PLEKHA5: variants seen among roughly 807,000 people sequenced by gnomAD.
The protein encoded by PLEKHA5 is pleckstrin homology domain-containing family A member 5.
Under a neutral mutation model 181.9 loss-of-function variants are expected in PLEKHA5, and 55 were observed. That is an observed-to-expected ratio of 0.30 (90% CI 0.24 to 0.38). PLEKHA5 has a LOEUF of 0.38. PLEKHA5 is among the 10% of genes least tolerant of loss of function. The pLI is 1.00. For missense variants in PLEKHA5, 1,432 were observed against 1,549.5 expected, an observed-to-expected ratio of 0.92 and a Z score of 1.27; for synonymous variants, 535 against 529.4, an observed-to-expected ratio of 1.01 and a Z score of -0.15.
At chr12:19,313,459 C>T (rs1022520562) in intron 15 of PLEKHA5, among the ~76,000 whole-genome samples, 3 of 152,020 alleles carry the variant, frequency 2.0e-5, no homozygotes, top group Admixed American at 2.0e-4. Flanking sequence ...ATTAATTAAT[C>T]AGGTTGGTGG....
At chr12:19,325,782 G>T (rs918220150) in intron 20 of PLEKHA5, among the ~76,000 whole-genome samples, 2 of 151,904 alleles carry the variant, frequency 1.3e-5, no homozygotes, top group African/African-American at 4.8e-5. Flanking sequence ...GCCAAGGCAG[G>T]CAGATCACCT....
At chr12:19,283,198 G>A (rs2152801598) in intron 11 of PLEKHA5, 82 bp from the exon 12 acceptor site, 2 of 726,182 alleles carry the variant, frequency 2.8e-6, no homozygotes, top group South Asian at 2.2e-5. Flanking sequence ...TTACTTACTG[G>A]AACAAAAGAA....
intron 3 of PLEKHA5, among the ~76,000 whole-genome samples, chr12:19,213,305 G>GA (rs11314206): frequency 3.0e-4 from 45 of 150,906 alleles, no homozygotes; most frequent in South Asian, 1.3e-3. Flanking sequence ...TGGTTTCTTT[G>GA]AAAAAAAAAA....
At chr12:19,164,524 T>A (rs974889161) in intron 3 of PLEKHA5, among the ~76,000 whole-genome samples, 2 of 152,152 alleles carry the variant, frequency 1.3e-5, no homozygotes, top group Admixed American at 6.5e-5. Flanking sequence ...ATAGCCAGAT[T>A]CATTGACACC....
At chr12:19,266,813 G>C (rs1317377261) in intron 8 of PLEKHA5, among the ~76,000 whole-genome samples, 2 of 151,928 alleles carry the variant, frequency 1.3e-5, no homozygotes, top group South Asian at 4.2e-4. Context: ...TTTGGAGGAA[G>C]AGTACTATAA....
chr12:19,290,788 A>G lies in PLEKHA5; in HGVS notation c.1975A>G (p.Ser659Gly). The change falls in exon 14 of 32, where the codon AGC (serine) becomes GGC (glycine). Residue 659 changes from serine (S) to glycine (G), a missense_variant. Coordinates refer to ENST00000429027, the MANE Select transcript of PLEKHA5 (RefSeq NM_001256470.2). ...CATGCAGCTAAAGCTTGAGGCCCACAGCCCAAAGGTCAGCTATGGAGAGAT... is the reference window on the plus strand; with the variant it reads ...CATGCAGCTAAAGCTTGAGGCCCACGGCCCAAAGGTCAGCTATGGAGAGAT... Reference protein sequence around the residue: ...QLMQLKLEAHSPKNEILSHHL... With the variant: ...QLMQLKLEAHGPKNEILSHHL... 2 of 1,533,540 alleles carry G rather than the reference A, an allele frequency of 1.3e-6. No homozygotes were observed. The highest frequency in any genetic ancestry group is 2.4e-5 in the South Asian group (2 of 83,746). 95.0% of individuals were successfully genotyped at this position (1,533,540 alleles called of 1,614,324 possible).
chr12:19,204,862 C>G (rs531709648), intron 3 of PLEKHA5, among the ~76,000 whole-genome samples: 26 of 152,070 alleles, frequency 1.7e-4, no homozygotes, highest in Admixed American at 3.3e-4. Context: ...GGTGAACAGG[C>G]AAGAGAACAG....
In PLEKHA5 at chr12:19,323,005, C is replaced by T. The variant is rs1352091176; in HGVS notation, c.2448+338C>T. 2.1e-5 allele frequency among the ~76,000 whole-genome samples: 3 copies of T among 141,080 alleles called. No homozygotes were observed. The East Asian group carries it at 6.3e-4, about 29-fold the overall frequency. 92.6% of individuals were successfully genotyped at this position (141,080 alleles called of 152,430 possible). Reference sequence around the variant, plus strand: ...CTGGGACTACAGGCTGGCACTACTACACCTGGCTAGATTTTTTTTTTTTTT... The same window carrying T: ...CTGGGACTACAGGCTGGCACTACTATACCTGGCTAGATTTTTTTTTTTTTT... On this transcript the variant is annotated intron_variant, in intron 20 of 31. Transcript: ENST00000429027.
intron 3 of PLEKHA5, among the ~76,000 whole-genome samples, chr12:19,135,825 A>G (rs912150129): frequency 1.3e-5 from 2 of 150,274 alleles, no homozygotes; most frequent in Non-Finnish European, 3.0e-5. Context: ...TAGAGAATGT[A>G]TTTTCCTTCA....
chr12:19,271,932 TTTAGTCATTCA>T (rs1246289575), intron 10 of PLEKHA5, among the ~76,000 whole-genome samples: 1 of 152,210 alleles, frequency 6.6e-6, no homozygotes. Context: ...CTCTATTAGA[TTTAGTCATTCA>T]AAGTGAAAGT....
chr12:19,177,962 TA>T (rs1417060291), intron 3 of PLEKHA5, among the ~76,000 whole-genome samples: 1 of 152,212 alleles, frequency 6.6e-6, no homozygotes, highest in African/African-American at 2.4e-5. Context: ...TGTGGAAATG[TA>T]AACTCTAGCT....
chr12:19,213,558 T>C (rs866536104), intron 3 of PLEKHA5, among the ~76,000 whole-genome samples: 3 of 151,914 alleles, frequency 2.0e-5, no homozygotes, highest in Non-Finnish European at 2.9e-5. Flanking sequence ...AGGGTTTCAG[T>C]AGGGGAGCAG....
At chr12:19,243,345 A>G (rs559165674) in intron 3 of PLEKHA5, 9 of 152,366 alleles carry the variant, frequency 5.9e-5, no homozygotes, top group South Asian at 2.1e-4. Context: ...TCTAAATGCT[A>G]TGAGCCTCGG....
chr12:19,341,660 CTTGAGTTTTTTCTTTTTCTTTTT>C (rs2093939232), intron 21 of PLEKHA5, among the ~76,000 whole-genome samples: 1 of 151,764 alleles, frequency 6.6e-6, no homozygotes, highest in African/African-American at 2.4e-5. Context: ...ATAGACTTTT[CTTGAGTTTTTTCTTTTTCTTTTT>C]TTAATCTTTT....
chr12:19,235,404 C>T (rs1345835758), intron 3 of PLEKHA5, among the ~76,000 whole-genome samples: 1 of 152,126 alleles, frequency 6.6e-6, no homozygotes, highest in Non-Finnish European at 1.5e-5. Context: ...TGCCCATACA[C>T]TGTTAAAAAT....
chr12:19,150,130 G>A (rs1050886151), intron 3 of PLEKHA5: 1 of 152,170 alleles, frequency 6.6e-6, no homozygotes, highest in Non-Finnish European at 1.5e-5. Flanking sequence ...GATCATATAT[G>A]TACTCCTTAG....
chr12:19,325,294 G>A (rs551910485), intron 20 of PLEKHA5, among the ~76,000 whole-genome samples: 1 of 152,134 alleles, frequency 6.6e-6, no homozygotes, highest in Non-Finnish European at 1.5e-5. Context: ...AGGAGACTGA[G>A]GTGGGAGGAT....
chr12:19,361,103 A>T (rs968147439), intron 28 of PLEKHA5, among the ~76,000 whole-genome samples: 1 of 152,098 alleles, frequency 6.6e-6, no homozygotes. Flanking sequence ...GTAGTAAAGA[A>T]TGTTAATATT....
chr12:19,357,061 C>T (rs552810037), intron 26 of PLEKHA5, among the ~76,000 whole-genome samples: 1 of 152,004 alleles, frequency 6.6e-6, no homozygotes, highest in South Asian at 2.1e-4. Flanking sequence ...AGTCTTTTCA[C>T]GGTAAATGTA....
Sources: allele counts gnomAD v4.1 joint callset (sites outside exome capture counted in the v4.1 genomes callset), GRCh38; gene constraint gnomAD v4.1.1; transcripts MANE v1.5; gene names NCBI Gene and HGNC (gene_info 2026-07-23, HGNC 2026-07-21).